Variants in MAPK10 observed in about 807,000 individuals in gnomAD.
The protein encoded by MAPK10 is JNK3 alpha protein kinase.
A neutral mutation model predicts 59.3 loss-of-function variants in MAPK10; 25 were observed. The observed-to-expected ratio is 0.42, with a 90% CI of 0.31 to 0.59. The LOEUF is 0.59. Among genes scored for constraint, MAPK10 ranks in the 20% least tolerant of loss-of-function variants. MAPK10 has a pLI of 0.15. For synonymous variants in MAPK10, 190 were observed against 200.5 expected (o/e 0.95, Z 0.44); for missense variants, 351 against 568.9 (o/e 0.62, Z 3.90).
chr4:86,306,108 G>C (rs2095563065), intron 2 of MAPK10, among the ~76,000 whole-genome samples: 1 of 152,112 alleles, frequency 6.6e-6, no homozygotes, highest in African/African-American at 2.4e-5. Context: ...ATATCTATCA[G>C]ATTTACTGTA....
intron 1 of MAPK10, among the ~76,000 whole-genome samples, chr4:86,407,394 T>A (rs1744492009): frequency 6.6e-6 from 1 of 152,132 alleles, no homozygotes; most frequent in African/African-American, 2.4e-5. Flanking sequence ...CATTTCTCCA[T>A]ACTTACAGGA....
intron 1 of MAPK10, among the ~76,000 whole-genome samples, chr4:86,474,460 A>G (rs1391579582): frequency 2.0e-5 from 3 of 152,264 alleles, no homozygotes; most frequent in Admixed American, 6.5e-5. Context: ...CTATTAACAC[A>G]GACTTATCCA....
chr4:86,317,310 A>G (rs2095807292), intron 2 of MAPK10, among the ~76,000 whole-genome samples: 1 of 152,078 alleles, frequency 6.6e-6, no homozygotes, highest in Admixed American at 6.6e-5. Flanking sequence ...GTTCCTTCTC[A>G]CGTTCGTACT....
Position 86,012,548 on chromosome 4 carries a change from A to G in MAPK10, c.*4680T>C, listed in dbSNP as rs1191652165. On this transcript the variant is annotated 3_prime_UTR_variant, in exon 14 of 14. Coordinates refer to ENST00000641462, the MANE Select transcript of MAPK10 (RefSeq NM_138982.4). ...CCATAAGAAACAGAAATCATAATAT[A>G]TTGACTCCATATTACCTAAAAAGAG... is the stretch of plus-strand genomic sequence containing the variant. 6.6e-6 allele frequency: 1 copy of G among 152,182 alleles called. No individual in the cohort carries two copies. The allele number at this position is 152,182 out of a possible 1,614,324, so 9.4% of individuals were successfully genotyped here.
Position 86,153,907 on chromosome 4 carries a change from G to T in MAPK10, c.236+5391C>A, listed in dbSNP as rs186950631. ...TATTTCAAGGAGGTTGCGATTAAGG[G>T]TCCAAAATTTTAAAATTAATGGAAA... On this transcript the variant is annotated intron_variant, in intron 4 of 13. Coordinates refer to ENST00000641462, the MANE Select transcript of MAPK10 (RefSeq NM_138982.4). Among the ~76,000 whole-genome samples the T allele has an allele frequency of 3.3e-5, 5 of 152,136 alleles. No homozygotes were observed. In the East Asian group the frequency reaches 9.6e-4, roughly 29 times the overall value.
At chr4:86,351,893 T>C (rs1164000624) in intron 2 of MAPK10, among the ~76,000 whole-genome samples, 4 of 152,176 alleles carry the variant, frequency 2.6e-5, no homozygotes. Context: ...TCAAAAAGAT[T>C]TGAGCAGGTA....
At chr4:86,102,214 G>A (rs574346635) in intron 6 of MAPK10, 182 bp from the exon 7 acceptor site, 190 of 481,040 alleles carry the variant, frequency 3.9e-4, no homozygotes, top group South Asian at 2.1e-4. Context: ...CCTACCAAAA[G>A]GTTGCTAGTA....
At chr4:86,397,165 T>C (rs1743052165) in intron 1 of MAPK10, among the ~76,000 whole-genome samples, 1 of 152,190 alleles carries the variant, frequency 6.6e-6, no homozygotes, top group African/African-American at 2.4e-5. Context: ...AATATTTTTA[T>C]TAAGCACATC....
chr4:86,101,542 AGGCCT>A, intron 7 of MAPK10: 1 of 375,646 alleles, frequency 2.7e-6, no homozygotes, highest in South Asian at 4.1e-5. Context: ...TATCATTTCT[AGGCCT>A]GACAGAAGAA....
At chr4:86,232,933 C>A (rs1583259431) in intron 2 of MAPK10, among the ~76,000 whole-genome samples, 1 of 151,790 alleles carries the variant, frequency 6.6e-6, no homozygotes, top group Middle Eastern at 3.4e-3. Context: ...ATGGTCTGTG[C>A]TGGAGTGAAG....
intron 1 of MAPK10, among the ~76,000 whole-genome samples, chr4:86,390,842 C>A (rs1390617519): frequency 3.3e-5 from 5 of 152,104 alleles, no homozygotes; most frequent in African/African-American, 9.7e-5. Context: ...AAGCCCAAAG[C>A]AATATATTTG....
At chr4:86,467,896 C>G (rs1579317159) in intron 1 of MAPK10, among the ~76,000 whole-genome samples, 1 of 152,174 alleles carries the variant, frequency 6.6e-6, no homozygotes, top group East Asian at 1.9e-4. Flanking sequence ...CCAAGAGTCC[C>G]CATATAAATT....
chr4:86,355,233 C>T (rs1300533810), intron 1 of MAPK10, among the ~76,000 whole-genome samples: 2 of 152,092 alleles, frequency 1.3e-5, no homozygotes, highest in Non-Finnish European at 2.9e-5. Context: ...ACATTCTACC[C>T]AATGTCAAAC....
intron 1 of MAPK10, among the ~76,000 whole-genome samples, chr4:86,467,047 C>A (rs1658335042): frequency 6.6e-6 from 1 of 152,146 alleles, no homozygotes; most frequent in Non-Finnish European, 1.5e-5. Flanking sequence ...TGAATGTGAA[C>A]AAGAAAATAT....
chr4:86,507,026 T>A (rs575519342), intron 1 of MAPK10, among the ~76,000 whole-genome samples: 8 of 152,066 alleles, frequency 5.3e-5, no homozygotes, highest in Admixed American at 2.0e-4. Flanking sequence ...TAGTTAAAAA[T>A]AAAACATATA....
intron 2 of MAPK10, among the ~76,000 whole-genome samples, chr4:86,309,591 G>A (rs192483957): frequency 6.6e-6 from 1 of 152,188 alleles, no homozygotes; most frequent in Admixed American, 6.5e-5. Flanking sequence ...AATCGTTCGT[G>A]GTGGTCAAAA....
chr4:86,214,524 A>AC (rs1478481933), intron 2 of MAPK10, among the ~76,000 whole-genome samples: 4 of 149,712 alleles, frequency 2.7e-5, no homozygotes, highest in Admixed American at 1.3e-4. Flanking sequence ...AAAAAAAAAA[A>AC]AAAAAAAAAA....
chr4:86,173,150 C>A (rs573735922), intron 3 of MAPK10, among the ~76,000 whole-genome samples: 71 of 152,100 alleles, frequency 4.7e-4, no homozygotes, highest in Non-Finnish European at 7.8e-4. Flanking sequence ...CAAAAAAGAA[C>A]CCGTATAGCC....
intron 11 of MAPK10, among the ~76,000 whole-genome samples, chr4:86,060,090 T>C (rs1208219936): frequency 2.6e-5 from 4 of 152,238 alleles, no homozygotes; most frequent in African/African-American, 9.6e-5. Context: ...TGATCACCAC[T>C]GGCCATGAAG....
Sources: allele counts gnomAD v4.1 joint callset (sites outside exome capture counted in the v4.1 genomes callset), GRCh38; gene constraint gnomAD v4.1.1; transcripts MANE v1.5; gene names NCBI Gene and HGNC (gene_info 2026-07-23, HGNC 2026-07-21).